Variants in SPARCL1 observed in about 807,000 individuals in gnomAD.
SPARCL1 encodes the protein SPARC-like protein 1.
SPARCL1 carries 52 observed loss-of-function variants against 67.1 expected under a neutral mutation model. The observed-to-expected ratio is 0.78, with a 90% CI of 0.62 to 0.98. The LOEUF is 0.98. SPARCL1 is among the 50% of genes least tolerant of loss of function. The pLI is 0.00. For missense variants in SPARCL1, 717 were observed against 782.4 expected, an observed-to-expected ratio of 0.92 and a Z score of 1.00; for synonymous variants, 226 against 267.8, an observed-to-expected ratio of 0.84 and a Z score of 1.52.
chr4:87,500,270 T>C (rs918848785), intron 1 of SPARCL1, among the ~76,000 whole-genome samples: 1 of 152,168 alleles, frequency 6.6e-6, no homozygotes, highest in African/African-American at 2.4e-5. Context: ...GATGCTGGCG[T>C]TTGTGCTTGA....
intron 1 of SPARCL1, among the ~76,000 whole-genome samples, chr4:87,510,623 G>C (rs1168566639): frequency 6.6e-6 from 1 of 152,030 alleles, no homozygotes; most frequent in East Asian, 1.9e-4. Context: ...TCTCCACTGA[G>C]AGCCGCTTTC....
intron 2 of SPARCL1, among the ~76,000 whole-genome samples, chr4:87,496,906 C>T (rs1244506147): frequency 6.6e-6 from 1 of 152,132 alleles, no homozygotes; most frequent in African/African-American, 2.4e-5. Flanking sequence ...CAGAGTCTCA[C>T]TCTGTTGCCC....
intron 1 of SPARCL1, among the ~76,000 whole-genome samples, chr4:87,502,490 C>T (rs376350702): frequency 4.9e-4 from 75 of 152,294 alleles, no homozygotes; most frequent in East Asian, 3.1e-3. Flanking sequence ...TCAACTTTTT[C>T]GCTTCCATAT....
intron 1 of SPARCL1, 134 bp from the exon 2 acceptor site, chr4:87,499,719 A>G (rs1031830625): frequency 1.4e-6 from 1 of 717,316 alleles, no homozygotes; most frequent in Middle Eastern, 2.5e-4. Context: ...GTGGATTAAT[A>G]TGTCTGAAAA....
chr4:87,482,490 G>A lies in SPARCL1; in HGVS notation c.1602C>T (p.Ile534=). Residue 534 remains isoleucine (I), a synonymous_variant, in exon 8 of 11, where the codon ATC becomes ATT. Coordinates refer to ENST00000282470, the MANE Select transcript of SPARCL1 (RefSeq NM_004684.6). ...PLRMRDWLKN[I]LMQLYEANSE... The stretch of plus-strand genomic sequence containing the variant: ...AGTTGGCTTCATAAAGCTGCATGAG[G>A]ATATTCTTGAGCCAGTCTCTCATCC... 1.2e-6 allele frequency: 2 copies of A among 1,613,940 alleles called. No individual in the cohort carries two copies. The highest frequency in any genetic ancestry group is 2.2e-5 in the East Asian group (1 of 44,882).
chr4:87,474,365 C>A (rs1372245594), intron 10 of SPARCL1, among the ~76,000 whole-genome samples: 1 of 150,972 alleles, frequency 6.6e-6, no homozygotes, highest in Non-Finnish European at 1.5e-5. Flanking sequence ...TAATCTTTAT[C>A]TAGCCCAGAG....
At chr4:87,488,987 A>C (rs1724191793) in intron 7 of SPARCL1, among the ~76,000 whole-genome samples, 5 of 152,242 alleles carry the variant, frequency 3.3e-5, no homozygotes, top group Admixed American at 3.3e-4. Context: ...CTGTGCTGGC[A>C]GCAAGAATTT....
intron 2 of SPARCL1, among the ~76,000 whole-genome samples, chr4:87,497,800 G>A (rs1273823066): frequency 1.3e-5 from 2 of 152,334 alleles, no homozygotes; most frequent in African/African-American, 4.8e-5. Flanking sequence ...CTGTCACCCA[G>A]GCTGGAGTGC....
At position 87,513,050 on chromosome 4, in the gene SPARCL1, G is replaced by A. The variant is rs1007214122; in HGVS notation, c.-11-13465C>T. Reference sequence around the variant, plus strand: ...CACATGTGAAAGGTTTAACTCCAAAGAGAAGGAGGAACTCTTTATTCTTTA... The same window carrying A: ...CACATGTGAAAGGTTTAACTCCAAAAAGAAGGAGGAACTCTTTATTCTTTA... On this transcript the variant is annotated intron_variant, in intron 1 of 10. Coordinates refer to ENST00000282470, the MANE Select transcript of SPARCL1 (RefSeq NM_004684.6). 3.3e-5 allele frequency among the ~76,000 whole-genome samples: 5 copies of A among 152,144 alleles called. No homozygotes were observed. In the East Asian group the frequency reaches 9.6e-4, roughly 29 times the overall value.
At chr4:87,478,760 A>G (rs965514939) in intron 10 of SPARCL1, among the ~76,000 whole-genome samples, 7 of 152,148 alleles carry the variant, frequency 4.6e-5, no homozygotes, top group African/African-American at 1.7e-4. Context: ...ATTATTGAAA[A>G]CATACTTGCT....
intron 10 of SPARCL1, among the ~76,000 whole-genome samples, chr4:87,475,230 G>A (rs1723538865): frequency 6.6e-6 from 1 of 152,010 alleles, no homozygotes; most frequent in African/African-American, 2.4e-5. Context: ...TGACTTCCAT[G>A]TCTACCATTC....
intron 1 of SPARCL1, among the ~76,000 whole-genome samples, chr4:87,501,939 TCTCA>T (rs1251528726): frequency 6.6e-6 from 1 of 151,666 alleles, no homozygotes; most frequent in African/African-American, 2.4e-5. Context: ...TGGGAAACTT[TCTCA>T]CTTTTACCTT....
chr4:87,492,755 T>G (rs1043670151), intron 4 of SPARCL1, among the ~76,000 whole-genome samples: 1 of 148,718 alleles, frequency 6.7e-6, no homozygotes, highest in Non-Finnish European at 1.5e-5. Context: ...ATTGACCTTG[T>G]GTACCAAAAT....
In SPARCL1 at chr4:87,482,627, T is replaced by C. The variant is rs551759205; in HGVS notation, c.1532-67A>G. The C allele has an allele frequency of 1.9e-6, 3 of 1,574,968 alleles. No homozygotes were observed. In the African/African-American group the frequency reaches 4.0e-5, roughly 21 times the overall value. Reference sequence around the variant, plus strand: ...TGTGTCCTATGGCAAGTCCTCATAATAGGAAGCTTAACGACTTCTGGCAAC... The same window carrying C: ...TGTGTCCTATGGCAAGTCCTCATAACAGGAAGCTTAACGACTTCTGGCAAC... On this transcript the variant is annotated intron_variant, in intron 7 of 10. Transcript: ENST00000282470.
Position 87,473,797 on chromosome 4 carries a change from A to G in SPARCL1, c.1973T>C (p.Ile658Thr). 6.8e-6 allele frequency: 11 copies of G among 1,607,020 alleles called. No homozygotes were observed. The highest frequency in any genetic ancestry group is 1.1e-5 in the South Asian group (1 of 90,260). ...CGTTCAAAACAAGAGATTTTCATCT[A>G]TGTCCTCTATAAAAAAACAAGAAGC... ...GHCFGIKEED[I>T]DENLLF The change falls in exon 11 of 11, where the codon ATA (isoleucine) becomes ACA (threonine). Residue 658 changes from isoleucine to threonine, a missense_variant. Transcript: ENST00000282470.
intron 7 of SPARCL1, among the ~76,000 whole-genome samples, chr4:87,485,629 C>A (rs1406386806): frequency 1.3e-5 from 2 of 150,536 alleles, no homozygotes; most frequent in Non-Finnish European, 3.0e-5. Flanking sequence ...GGAATACTTT[C>A]TGAAGGAATA....
At chr4:87,512,947 T>C (rs763861297) in intron 1 of SPARCL1, among the ~76,000 whole-genome samples, 2 of 152,188 alleles carry the variant, frequency 1.3e-5, no homozygotes, top group Non-Finnish European at 2.9e-5. Context: ...TCATTGTCTA[T>C]AAAATAGTAT....
intron 1 of SPARCL1, among the ~76,000 whole-genome samples, chr4:87,515,880 C>T (rs1392152355): frequency 6.6e-6 from 1 of 152,146 alleles, no homozygotes; most frequent in South Asian, 2.1e-4. Flanking sequence ...TCTTACATTT[C>T]TTATTTAATA....
intron 1 of SPARCL1, among the ~76,000 whole-genome samples, chr4:87,519,823 C>T (rs867232633): frequency 2.8e-4 from 43 of 152,178 alleles, no homozygotes; most frequent in Middle Eastern, 6.8e-3. Flanking sequence ...GAACTGTTTC[C>T]GTTTATCTCA....
Sources: allele counts gnomAD v4.1 joint callset (sites outside exome capture counted in the v4.1 genomes callset), GRCh38; gene constraint gnomAD v4.1.1; transcripts MANE v1.5; gene names NCBI Gene and HGNC (gene_info 2026-07-23, HGNC 2026-07-21).